The following ZCCHC7 variants were observed in gnomAD, a reference collection of about 807,000 sequenced individuals.
ZCCHC7 encodes zinc finger CCHC-type containing 7, also known as zinc finger CCHC domain-containing protein 7.
ZCCHC7 carries 35 observed loss-of-function variants against 52.0 expected under a neutral mutation model. The observed-to-expected ratio is 0.67, with a 90% CI of 0.51 to 0.89. The LOEUF is 0.89. Among genes scored for constraint, ZCCHC7 ranks in the 40% least tolerant of loss-of-function variants. The pLI is 0.00. For synonymous variants in ZCCHC7, 217 were observed against 221.5 expected, an observed-to-expected ratio of 0.98 and a Z score of 0.18; for missense variants, 574 against 649.1, an observed-to-expected ratio of 0.88 and a Z score of 1.26.
intron 2 of ZCCHC7, among the ~76,000 whole-genome samples, chr9:37,219,906 G>C (rs2133255432): frequency 6.6e-6 from 1 of 152,270 alleles, no homozygotes; most frequent in South Asian, 2.1e-4. Context: ...TAGATATCAA[G>C]GACGTCAGGA....
intron 2 of ZCCHC7, among the ~76,000 whole-genome samples, chr9:37,185,418 A>C (rs918283224): frequency 1.2e-4 from 18 of 152,216 alleles, no homozygotes; most frequent in African/African-American, 4.3e-4. Flanking sequence ...TTTGCATATA[A>C]ATGTACACTG....
At chr9:37,349,511 A>G in intron 7 of ZCCHC7, 59 bp downstream of exon 7, 1 of 1,474,674 alleles carries the variant, frequency 6.8e-7, no homozygotes, top group Non-Finnish European at 9.4e-7. Flanking sequence ...GTTTTCTGAA[A>G]GATGAACTCA....
At chr9:37,182,438 C>G (rs1324894828) in intron 2 of ZCCHC7, among the ~76,000 whole-genome samples, 2 of 151,104 alleles carry the variant, frequency 1.3e-5, no homozygotes, top group Non-Finnish European at 2.9e-5. Context: ...GATCTTGGCT[C>G]ACTGCAGCCT....
intron 2 of ZCCHC7, among the ~76,000 whole-genome samples, chr9:37,273,850 G>A (rs1174758852): frequency 6.6e-6 from 1 of 151,830 alleles, no homozygotes; most frequent in Non-Finnish European, 1.5e-5. Context: ...AGATATGTGG[G>A]AATTTTTTTT....
At chr9:37,335,894 A>G (rs546217197) in intron 6 of ZCCHC7, among the ~76,000 whole-genome samples, 1 of 152,340 alleles carries the variant, frequency 6.6e-6, no homozygotes, top group East Asian at 1.9e-4. Context: ...ACATATTAAT[A>G]AATGTGTGAG....
chr9:37,243,739 T>G (rs1041325720), intron 2 of ZCCHC7, among the ~76,000 whole-genome samples: 1 of 151,888 alleles, frequency 6.6e-6, no homozygotes, highest in Non-Finnish European at 1.5e-5. Context: ...TTGTCCAGAC[T>G]GCCAACTGAA....
intron 2 of ZCCHC7, among the ~76,000 whole-genome samples, chr9:37,167,090 G>A (rs1408306589): frequency 6.6e-6 from 1 of 151,964 alleles, no homozygotes; most frequent in Non-Finnish European, 1.5e-5. Flanking sequence ...TGTGTACTAG[G>A]CTGCTTGAAG....
intron 5 of ZCCHC7, among the ~76,000 whole-genome samples, chr9:37,308,320 T>C (rs1363894694): frequency 6.6e-6 from 1 of 151,980 alleles, no homozygotes. Flanking sequence ...TTTTCTAGTT[T>C]GGCAGTTATC....
At chr9:37,197,420 G>C (rs949033791) in intron 2 of ZCCHC7, among the ~76,000 whole-genome samples, 1 of 152,210 alleles carries the variant, frequency 6.6e-6, no homozygotes, top group South Asian at 2.1e-4. Flanking sequence ...AGTATAAAAA[G>C]AACCGAGTTC....
intron 2 of ZCCHC7, among the ~76,000 whole-genome samples, chr9:37,189,798 G>T (rs1273552938): frequency 1.3e-5 from 2 of 152,140 alleles, no homozygotes; most frequent in African/African-American, 4.8e-5. Flanking sequence ...AACCTTTGCA[G>T]TCTTACTCAG....
intron 5 of ZCCHC7, among the ~76,000 whole-genome samples, chr9:37,325,122 TAAC>T (rs1002031173): frequency 3.9e-5 from 6 of 152,226 alleles, no homozygotes; most frequent in Non-Finnish European, 4.4e-5. Context: ...TTATGAATAA[TAAC>T]ACTGATTTAT....
Position 37,355,018 on chromosome 9 carries a change from C to G in ZCCHC7, c.1198+194C>G, listed in dbSNP as rs1413651846. 3.3e-5 allele frequency among the ~76,000 whole-genome samples: 5 copies of G among 152,278 alleles called. No individual in the cohort carries two copies. The East Asian group carries it at 9.6e-4, about 29-fold the overall frequency. On this transcript the variant is annotated intron_variant, in intron 8 of 8. Coordinates refer to ENST00000336755, the MANE Select transcript of ZCCHC7 (RefSeq NM_032226.3). ...AGAAATAATCCCATGTTGCAATCTCCTCACAGTAAACATTTTTTTACAGTG... is the reference window on the plus strand; with the variant it reads ...AGAAATAATCCCATGTTGCAATCTCGTCACAGTAAACATTTTTTTACAGTG...
At chr9:37,285,231 C>T (rs1482924456) in intron 2 of ZCCHC7, among the ~76,000 whole-genome samples, 1 of 152,018 alleles carries the variant, frequency 6.6e-6, no homozygotes, top group African/African-American at 2.4e-5. Flanking sequence ...TGATGTAGGG[C>T]TATATTTATG....
At chr9:37,231,860 G>A (rs965236551) in intron 2 of ZCCHC7, among the ~76,000 whole-genome samples, 6 of 152,116 alleles carry the variant, frequency 3.9e-5, no homozygotes, top group Admixed American at 3.9e-4. Flanking sequence ...ATTAATAGAA[G>A]AAGGAAGTAC....
chr9:37,179,623 C>G (rs1486647612), intron 2 of ZCCHC7, among the ~76,000 whole-genome samples: 2 of 152,136 alleles, frequency 1.3e-5, no homozygotes, highest in African/African-American at 4.8e-5. Flanking sequence ...GTCCAGCTCA[C>G]CTGTCTCTTT....
intron 2 of ZCCHC7, among the ~76,000 whole-genome samples, chr9:37,159,335 T>C (rs1161325289): frequency 6.6e-6 from 1 of 152,252 alleles, no homozygotes; most frequent in Non-Finnish European, 1.5e-5. Context: ...AACATGGCTA[T>C]ATATTAAAAT....
At chr9:37,243,987 A>G (rs1157995199) in intron 2 of ZCCHC7, among the ~76,000 whole-genome samples, 1 of 151,826 alleles carries the variant, frequency 6.6e-6, no homozygotes, top group African/African-American at 2.4e-5. Context: ...TATCCTGTAC[A>G]TCTTGACTCA....
intron 2 of ZCCHC7, among the ~76,000 whole-genome samples, chr9:37,260,824 A>G (rs1369938540): frequency 6.6e-6 from 1 of 152,210 alleles, no homozygotes; most frequent in Non-Finnish European, 1.5e-5. Flanking sequence ...GACTGTAGCT[A>G]TTGAATCTGA....
At chr9:37,290,068 G>A (rs1828461675) in intron 2 of ZCCHC7, among the ~76,000 whole-genome samples, 1 of 152,004 alleles carries the variant, frequency 6.6e-6, no homozygotes, top group South Asian at 2.1e-4. Context: ...CCTCTCTAAT[G>A]TACATCATTT....
Sources: allele counts gnomAD v4.1 joint callset (sites outside exome capture counted in the v4.1 genomes callset), GRCh38; gene constraint gnomAD v4.1.1; transcripts MANE v1.5; gene names NCBI Gene and HGNC (gene_info 2026-07-23, HGNC 2026-07-21).